The following LRTM1 variants were observed in gnomAD, a reference collection of about 807,000 sequenced individuals.
LRTM1 encodes leucine-rich repeat and transmembrane domain-containing protein 1.
LRTM1 carries 38 observed loss-of-function variants against 32.4 expected under a neutral mutation model. The observed-to-expected ratio is 1.17, with a 90% confidence interval of 0.91 to 1.54. LRTM1 has a LOEUF of 1.54. LRTM1 is among the 40% of genes most tolerant of loss of function. LRTM1 has a pLI of 0.00. For missense variants in LRTM1, 466 were observed against 415.4 expected (o/e 1.12, Z -1.06); for synonymous variants, 186 against 169.9 (o/e 1.09, Z -0.74).
chr3:54,934,328 T>C (rs565908240), intron 1 of LRTM1, among the ~76,000 whole-genome samples: 66 of 152,330 alleles, frequency 4.3e-4, no homozygotes, highest in African/African-American at 1.5e-3. Context: ...TAGTTCCCTC[T>C]TGAGCCGTTC....
intron 1 of LRTM1, among the ~76,000 whole-genome samples, chr3:54,934,944 G>A (rs1701292081): frequency 6.6e-6 from 1 of 152,148 alleles, no homozygotes; most frequent in Non-Finnish European, 1.5e-5. Flanking sequence ...CACAATGTTG[G>A]CCAGGCTGGT....
chr3:54,936,492 G>GA (rs2106970414), intron 1 of LRTM1, among the ~76,000 whole-genome samples: 1 of 152,248 alleles, frequency 6.6e-6, no homozygotes, highest in South Asian at 2.1e-4. Context: ...TTTCATGTGG[G>GA]ATGTTTGTTA....
chr3:54,956,036 G>A (rs759981085), intron 1 of LRTM1, among the ~76,000 whole-genome samples: 3 of 152,194 alleles, frequency 2.0e-5, no homozygotes, highest in Non-Finnish European at 2.9e-5. Flanking sequence ...ACTCCAGAGT[G>A]CCGTCCGCCC....
intron 1 of LRTM1, among the ~76,000 whole-genome samples, chr3:54,959,154 A>G (rs1038033216): frequency 6.6e-6 from 1 of 152,152 alleles, no homozygotes; most frequent in African/African-American, 2.4e-5. Context: ...AGTTTTTCAA[A>G]TGAACTGTCT....
At chr3:54,960,334 A>G (rs886629128) in intron 1 of LRTM1, among the ~76,000 whole-genome samples, 2 of 152,176 alleles carry the variant, frequency 1.3e-5, no homozygotes, top group African/African-American at 4.8e-5. Context: ...TGTATAAGAA[A>G]GATTACCAAC....
intron 1 of LRTM1, among the ~76,000 whole-genome samples, chr3:54,940,554 C>T (rs916104050): frequency 1.3e-5 from 2 of 152,232 alleles, no homozygotes; most frequent in Non-Finnish European, 2.9e-5. Context: ...AAGCCCCCTC[C>T]CCTTGTCTTT....
At chr3:54,944,362 T>C (rs1701554737) in intron 1 of LRTM1, among the ~76,000 whole-genome samples, 1 of 152,068 alleles carries the variant, frequency 6.6e-6, no homozygotes, top group African/African-American at 2.4e-5. Flanking sequence ...AATTCATTTG[T>C]ATATTTTGAC....
At chr3:54,925,657 T>G (rs1452283141) in intron 1 of LRTM1, among the ~76,000 whole-genome samples, 1 of 152,218 alleles carries the variant, frequency 6.6e-6, no homozygotes, top group Non-Finnish European at 1.5e-5. Flanking sequence ...AATACAACTT[T>G]CTGTGATGAT....
Position 54,918,358 on chromosome 3 carries a change from C to CTT in LRTM1, c.*99_*100dup. ...TTTTTTTTTTTTTTTTTTTTTTTGT[C>CTT]TTTTGGCAAAAGCAAAATCAGACTA... On this transcript the variant is annotated 3_prime_UTR_variant, in exon 3 of 3. Coordinates refer to ENST00000273286, the MANE Select transcript of LRTM1 (RefSeq NM_020678.4). 1 of 186,952 alleles carries CTT rather than the reference C, an allele frequency of 5.3e-6. No individual in the cohort carries two copies. The highest frequency in any genetic ancestry group is 6.7e-5 in the African/African-American group (1 of 14,844). The allele number at this position is 186,952 out of a possible 1,614,324, so 11.6% of individuals were successfully genotyped here. A position where few individuals can be genotyped will look rare whatever the true frequency, so the allele number is the denominator to read the frequency against.
intron 1 of LRTM1, among the ~76,000 whole-genome samples, chr3:54,936,089 G>A (rs111911416): frequency 1.7e-4 from 26 of 151,478 alleles, no homozygotes; most frequent in African/African-American, 3.9e-4. Flanking sequence ...CTTTAACTTC[G>A]TCATCTGTGC....
chr3:54,924,527 C>T, intron 2 of LRTM1, 92 bp downstream of exon 2: 1 of 1,081,104 alleles, frequency 9.2e-7, no homozygotes, highest in East Asian at 2.4e-5. Context: ...CCCTTACACA[C>T]TCCTCCACAT....
intron 1 of LRTM1, among the ~76,000 whole-genome samples, chr3:54,947,577 C>G (rs1014120338): frequency 6.6e-6 from 1 of 152,126 alleles, no homozygotes; most frequent in Non-Finnish European, 1.5e-5. Context: ...GATGTCCCCA[C>G]AGTGGCCTGA....
rs560442870 is a variant in LRTM1 at position 54,963,814 on chromosome 3, AC to A, written c.-222+3113del. On this transcript the variant is annotated intron_variant, in intron 1 of 2. Transcript: ENST00000493075. ...TCAATACACCTATCACCCAGCACAT[AC>A]TGGGTTTCTGATAAACATGGGAGAA... Among the ~76,000 whole-genome samples, 175 of 152,300 alleles carry A rather than the reference AC, an allele frequency of 1.1e-3. 1 individual carries two copies. The highest frequency in any genetic ancestry group is 4.0e-3 in the African/African-American group (166 of 41,566).
intron 1 of LRTM1, among the ~76,000 whole-genome samples, chr3:54,963,318 T>A (rs1030606722): frequency 2.6e-5 from 4 of 152,080 alleles, no homozygotes; most frequent in Non-Finnish European, 5.9e-5. Flanking sequence ...CCTTCCATCC[T>A]TAAGGAGTGC....
Position 54,918,380 on chromosome 3 carries a change from A to T in LRTM1, c.*79T>A. ...TGTCTTTTGGCAAAAGCAAAATCAG[A>T]CTAACAGGAAACACATCAGCCCTAC... On this transcript the variant is annotated 3_prime_UTR_variant, in exon 3 of 3. Coordinates refer to ENST00000273286, the MANE Select transcript of LRTM1 (RefSeq NM_020678.4). The T allele has an allele frequency of 1.0e-6, 1 of 969,450 alleles. No individual in the cohort carries two copies. Among genetic ancestry groups the T allele is most frequent in the Non-Finnish European group, 1.4e-6 (1 of 708,946 alleles). The allele number at this position is 969,450 out of a possible 1,614,324, so 60.1% of individuals were successfully genotyped here. A position where few individuals can be genotyped will look rare whatever the true frequency, so the allele number is the denominator to read the frequency against.
intron 1 of LRTM1, among the ~76,000 whole-genome samples, chr3:54,925,502 A>G (rs1700988392): frequency 6.6e-6 from 1 of 152,224 alleles, no homozygotes; most frequent in Non-Finnish European, 1.5e-5. Flanking sequence ...AGTGATATCA[A>G]ATAGAAGGGT....
At chr3:54,921,056 C>T (rs1211210220) in intron 2 of LRTM1, among the ~76,000 whole-genome samples, 2 of 152,182 alleles carry the variant, frequency 1.3e-5, no homozygotes, top group Non-Finnish European at 2.9e-5. Flanking sequence ...TTTCATGGGC[C>T]ATGACCCCCT....
At position 54,939,286 on chromosome 3, in the gene LRTM1, T is replaced by C. The variant is rs140376957; in HGVS notation, c.-221-14071A>G. Among the ~76,000 whole-genome samples the C allele has an allele frequency of 4.6e-5, 7 of 152,326 alleles. No individual in the cohort carries two copies. The East Asian group carries it at 9.6e-4, about 21-fold the overall frequency. ...CTTCTACATCTTACTAAAGAGAAAA[T>C]TGAAACTTGATGAGACTGACTCACT... is the stretch of plus-strand genomic sequence containing the variant. On this transcript the variant is annotated intron_variant, in intron 1 of 2. Transcript: ENST00000493075.
At chr3:54,941,733 C>T (rs1028570772) in intron 1 of LRTM1, among the ~76,000 whole-genome samples, 1 of 152,090 alleles carries the variant, frequency 6.6e-6, no homozygotes, top group Non-Finnish European at 1.5e-5. Context: ...ATTCTAACCA[C>T]GAGGGTTCGC....
Sources: allele counts gnomAD v4.1 joint callset (sites outside exome capture counted in the v4.1 genomes callset), GRCh38; gene constraint gnomAD v4.1.1; transcripts MANE v1.5; gene names NCBI Gene and HGNC (gene_info 2026-07-23, HGNC 2026-07-21).